KIF2A: variants seen among roughly 807,000 people sequenced by gnomAD.
The protein encoded by KIF2A is kinesin family member 2A, also known as kinesin-like protein KIF2A.
In KIF2A, 22 loss-of-function variants were observed where a neutral mutation model predicts 100.2. The ratio of observed to expected loss-of-function variants is 0.22; its 90% CI spans 0.16 to 0.31. The LOEUF is 0.31. Ranked by LOEUF, KIF2A falls within the 10% of genes least tolerant of loss-of-function variation. KIF2A has a pLI of 1.00. For synonymous variants in KIF2A, 268 were observed against 285.9 expected (o/e 0.94, Z 0.63); for missense variants, 495 against 898.7 (o/e 0.55, Z 5.74).
chr5:62,347,398 T>C (rs1580055653), intron 2 of KIF2A, among the ~76,000 whole-genome samples, 174 bp downstream of exon 2: 1 of 152,244 alleles, frequency 6.6e-6, no homozygotes, highest in East Asian at 1.9e-4. Context: ...CCTGTATCTC[T>C]TATGTGATTG....
intron 1 of KIF2A, chr5:62,308,179 C>A: frequency 2.6e-6 from 1 of 385,438 alleles, no homozygotes; most frequent in Non-Finnish European, 4.7e-6. Flanking sequence ...AATTATACCG[C>A]TTAGAGCTTT....
At chr5:62,336,735 G>A (rs958243730) in intron 1 of KIF2A, among the ~76,000 whole-genome samples, 2 of 152,110 alleles carry the variant, frequency 1.3e-5, no homozygotes, top group Admixed American at 1.3e-4. Flanking sequence ...AATTTAAGGG[G>A]AAAAAACAGT....
intron 3 of KIF2A, among the ~76,000 whole-genome samples, 153 bp from the exon 4 acceptor site, chr5:62,349,913 T>G (rs1338973246): frequency 6.6e-6 from 1 of 152,210 alleles, no homozygotes; most frequent in Non-Finnish European, 1.5e-5. Flanking sequence ...ATTGATAGCA[T>G]TAATAGTAAT....
chr5:62,364,579 G>A (rs1740980971), intron 14 of KIF2A, among the ~76,000 whole-genome samples: 1 of 152,178 alleles, frequency 6.6e-6, no homozygotes, highest in Admixed American at 6.5e-5. Context: ...TTTTCCTTGA[G>A]TAGAACACCA....
Position 62,319,409 on chromosome 5 carries a change from C to T in KIF2A, c.64+12873C>T, listed in dbSNP as rs1745993599. On this transcript the variant is annotated intron_variant, in intron 1 of 20. Coordinates refer to ENST00000407818, the MANE Select transcript of KIF2A (RefSeq NM_001098511.3). The stretch of plus-strand genomic sequence containing the variant: ...CTGCTTATTTGAGGCACACTATACT[C>T]CAGACAAGCTGAACTTTCTTGGAAC... Among the ~76,000 whole-genome samples, 4 of 152,300 alleles carry T rather than the reference C, an allele frequency of 2.6e-5. No homozygotes were observed. In the South Asian group the frequency reaches 8.3e-4, roughly 32 times the overall value.
intron 1 of KIF2A, chr5:62,306,779 G>T: frequency 2.1e-6 from 1 of 484,420 alleles, no homozygotes; most frequent in Non-Finnish European, 3.6e-6. Context: ...GAAAGGGCCC[G>T]GGTGTCGAGG....
At chr5:62,382,229 T>C (rs1234769054) in intron 20 of KIF2A, among the ~76,000 whole-genome samples, 1 of 152,150 alleles carries the variant, frequency 6.6e-6, no homozygotes, top group Non-Finnish European at 1.5e-5. Context: ...TTTATTTAAA[T>C]TGACATCCCA....
In KIF2A at chr5:62,388,877, A is replaced by T; in HGVS notation, c.*3308A>T. 1.3e-6 allele frequency: 1 copy of T among 764,162 alleles called. No individual in the cohort carries two copies. The highest frequency in any genetic ancestry group is 2.8e-5 in the Admixed American group (1 of 35,994). The allele number at this position is 764,162 out of a possible 1,614,324, so 47.3% of individuals were successfully genotyped here. On this transcript the variant is annotated 3_prime_UTR_variant, in exon 21 of 21. Transcript: ENST00000407818. ...AAATTCAGAATCATAAATGGTGACA[A>T]CAGTAGTAGTATTGAACCAAAAATA...
chr5:62,311,684 A>G (rs1361726975), intron 1 of KIF2A: 1 of 152,252 alleles, frequency 6.6e-6, no homozygotes, highest in Admixed American at 6.5e-5. Context: ...CCATGTGGCA[A>G]TACAGTTGTT....
intron 1 of KIF2A, among the ~76,000 whole-genome samples, chr5:62,343,895 A>G (rs1415173601): frequency 1.3e-5 from 2 of 152,226 alleles, no homozygotes; most frequent in Non-Finnish European, 2.9e-5. Flanking sequence ...TTTTATAGGA[A>G]TGCCTGGACT....
chr5:62,308,071 T>C (rs984150282), intron 1 of KIF2A, among the ~76,000 whole-genome samples: 2 of 152,226 alleles, frequency 1.3e-5, no homozygotes, highest in Non-Finnish European at 1.5e-5. Context: ...TATGATATAT[T>C]GGAAGACCCT....
At chr5:62,377,401 G>A (rs1466218950) in intron 18 of KIF2A, among the ~76,000 whole-genome samples, 1 of 152,084 alleles carries the variant, frequency 6.6e-6, no homozygotes, top group Non-Finnish European at 1.5e-5. Flanking sequence ...TACTCTTTCA[G>A]CATAGTTCGG....
rs1260569794 is a variant in KIF2A, at chr5:62,385,508, C to T, written c.2174C>T (p.Ala725Val). Reference protein sequence around the residue: ...LRDKVKSFRAALQEEEQASKQ... With the variant: ...LRDKVKSFRAVLQEEEQASKQ... ...GATAAAGTGAAATCTTTCCGTGCAG[C>T]TCTACAAGAGGAGGAACAAGCCAGC... The change falls in exon 21 of 21, where the codon GCT becomes GTT. Residue 725 changes from alanine to valine, a missense_variant. Around this residue, in one of 10 missense-constraint regions of KIF2A, gnomAD observed 58 missense variants for 94.8 expected, o/e 0.61. Coordinates refer to ENST00000407818, the MANE Select transcript of KIF2A (RefSeq NM_001098511.3). 6.3e-7 allele frequency: 1 copy of T among 1,591,368 alleles called. No homozygotes were observed. The highest frequency in any genetic ancestry group is 1.8e-5 in the Admixed American group (1 of 56,584).
intron 1 of KIF2A, among the ~76,000 whole-genome samples, chr5:62,313,350 T>G (rs1396847862): frequency 6.6e-6 from 1 of 152,190 alleles, no homozygotes; most frequent in Admixed American, 6.5e-5. Context: ...CCTGATGAAT[T>G]TAGCCTCAGA....
chr5:62,310,976 T>G (rs1745524705), intron 1 of KIF2A, among the ~76,000 whole-genome samples: 1 of 152,120 alleles, frequency 6.6e-6, no homozygotes, highest in Admixed American at 6.6e-5. Context: ...GCAGCTAATA[T>G]GGGATTGTTC....
At chr5:62,360,118 G>A (rs1259021340) in intron 9 of KIF2A, among the ~76,000 whole-genome samples, 3 of 151,882 alleles carry the variant, frequency 2.0e-5, no homozygotes, top group Admixed American at 2.0e-4. Context: ...AGCCTCCTGA[G>A]TAGCTGGGAT....
chr5:62,347,010 T>G, intron 1 of KIF2A, 120 bp from the exon 2 acceptor site: 1 of 615,506 alleles, frequency 1.6e-6, no homozygotes, highest in Admixed American at 3.4e-5. Context: ...TGGAAATCTC[T>G]TGTAAGGAAA....
intron 1 of KIF2A, among the ~76,000 whole-genome samples, chr5:62,307,687 G>C (rs893537758): frequency 6.7e-6 from 1 of 150,044 alleles, no homozygotes; most frequent in African/African-American, 2.5e-5. Flanking sequence ...GTGCGATCTC[G>C]GCCCACTGCA....
At position 62,357,706 on chromosome 5, in the gene KIF2A, A is replaced by G; in HGVS notation, c.670A>G (p.Ile224Val). ...TTATTTCTAGATTGATGAACATAGG[A>G]TATGTGTGTGTGTAAGAAAACGACC... is the stretch of plus-strand genomic sequence containing the variant. ...TTADPIDEHR[I>V]CVCVRKRPLN... Residue 224 changes from isoleucine to valine, a missense_variant, in exon 8 of 21, where the codon ATA becomes GTA. Transcript: ENST00000407818. 6.4e-7 allele frequency: 1 copy of G among 1,553,392 alleles called. No homozygotes were observed. The highest frequency in any genetic ancestry group is 8.9e-7 in the Non-Finnish European group (1 of 1,128,470).
Sources: gnomAD v4.1 joint callset for allele counts (sites outside exome capture counted in the v4.1 genomes callset) on GRCh38, gnomAD v4.1.1 for gene constraint, gnomAD v4.1.1 regional missense constraint, MANE v1.5 for transcripts, NCBI Gene and HGNC (gene_info 2026-07-23, HGNC 2026-07-21) for gene names.